Variants in EYS observed in about 807,000 individuals in gnomAD.
The protein encoded by EYS is EGF-like photoreceptor maintenance factor.
A neutral mutation model predicts 282.1 loss-of-function variants in EYS; 250 were observed. That is an observed-to-expected ratio of 0.89 (90% confidence interval 0.80 to 0.98). The LOEUF (loss-of-function observed/expected upper bound fraction) is 0.98. Ranked by LOEUF, EYS falls within the 50% of genes least tolerant of loss-of-function variation. EYS has a pLI of 0.00. For synonymous variants in EYS, 1,355 were observed against 1,282.9 expected, an observed-to-expected ratio of 1.06 and a Z score of -1.20; for missense variants, 4,016 against 3,709.0, an observed-to-expected ratio of 1.08 and a Z score of -2.15.
intron 13 of EYS, among the ~76,000 whole-genome samples, chr6:65,027,019 T>C (rs1032225040): frequency 1.5e-5 from 2 of 133,592 alleles, no homozygotes; most frequent in African/African-American, 6.1e-5. Flanking sequence ...ATTTGTAATG[T>C]GTGTTTTTTT....
At position 65,057,717 on chromosome 6, in the gene EYS, A is replaced by G; in HGVS notation, c.2034T>C (p.Cys678=). The change falls in exon 13 of 43, where the codon TGT becomes TGC. Residue 678 remains cysteine, a synonymous_variant. Coordinates refer to ENST00000503581, the MANE Select transcript of EYS (RefSeq NM_001142800.2). ...KCVPGFKGTQ[C]EIDIDECASH... is the part of the protein sequence containing the mutation. Reference sequence around the variant, plus strand: ...AAGCACACTCATCTATATCAATTTCACATTGCGTACCTTTGGAAAATAGGA... The same window carrying G: ...AAGCACACTCATCTATATCAATTTCGCATTGCGTACCTTTGGAAAATAGGA... The G allele has an allele frequency of 6.5e-7, 1 of 1,546,370 alleles. No homozygotes were observed. Among genetic ancestry groups the G allele is most frequent in the Non-Finnish European group, 8.8e-7 (1 of 1,142,602 alleles).
chr6:64,178,134 A>G (rs191722930), intron 31 of EYS, among the ~76,000 whole-genome samples: 12 of 151,954 alleles, frequency 7.9e-5, no homozygotes, highest in South Asian at 2.1e-4. Context: ...CATCTGTTAA[A>G]TTTTTCTGAG....
intron 33 of EYS, among the ~76,000 whole-genome samples, chr6:64,056,379 G>A (rs982833713): frequency 5.9e-5 from 9 of 152,166 alleles, no homozygotes; most frequent in African/African-American, 2.2e-4. Flanking sequence ...CCAAGTATCA[G>A]ATTCGCCTGT....
At chr6:63,872,663 G>A (rs1772844362) in intron 35 of EYS, among the ~76,000 whole-genome samples, 1 of 151,708 alleles carries the variant, frequency 6.6e-6, no homozygotes, top group Non-Finnish European at 1.5e-5. Context: ...ATTTTTAGTA[G>A]GGATGATGTT....
intron 5 of EYS, among the ~76,000 whole-genome samples, chr6:65,443,140 TA>T (rs1768443652): frequency 1.3e-5 from 2 of 151,736 alleles, no homozygotes; most frequent in Admixed American, 1.3e-4. Flanking sequence ...ATCATACATA[TA>T]TGTACACATC....
chr6:64,836,835 T>C (rs1156397560), intron 19 of EYS, among the ~76,000 whole-genome samples: 1 of 151,614 alleles, frequency 6.6e-6, no homozygotes, highest in Non-Finnish European at 1.5e-5. Context: ...TCTGTGAAAT[T>C]CCACTTTTGA....
chr6:64,792,011 A>C (rs993319275), intron 22 of EYS, among the ~76,000 whole-genome samples: 6 of 151,804 alleles, frequency 4.0e-5, no homozygotes, highest in African/African-American at 1.4e-4. Flanking sequence ...TCACAATATA[A>C]CTATGATATT....
At chr6:63,954,677 A>T (rs190746643) in intron 35 of EYS, among the ~76,000 whole-genome samples, 12 of 152,206 alleles carry the variant, frequency 7.9e-5, no homozygotes, top group Non-Finnish European at 1.5e-4. Context: ...TCTATTCCTC[A>T]CGGCAGTTGT....
intron 2 of EYS, among the ~76,000 whole-genome samples, chr6:65,521,480 C>T (rs1341176832): frequency 2.6e-5 from 4 of 152,064 alleles, no homozygotes; most frequent in Non-Finnish European, 5.9e-5. Context: ...AAATTTATTA[C>T]TTTAATGAAA....
intron 22 of EYS, among the ~76,000 whole-genome samples, chr6:64,775,301 T>C (rs918234570): frequency 6.6e-6 from 1 of 151,984 alleles, no homozygotes; most frequent in Admixed American, 6.6e-5. Context: ...TAACTTCTTG[T>C]TTGCCTCCCA....
chr6:65,472,594 C>A (rs1208646218), intron 5 of EYS, among the ~76,000 whole-genome samples: 2 of 151,764 alleles, frequency 1.3e-5, no homozygotes, highest in East Asian at 3.9e-4. Context: ...AATAATATAG[C>A]ACATAAACAG....
chr6:64,849,235 T>C (rs1322676911), intron 19 of EYS, among the ~76,000 whole-genome samples: 2 of 151,812 alleles, frequency 1.3e-5, no homozygotes, highest in African/African-American at 4.8e-5. Context: ...TCATGTTTAC[T>C]GACTTTATAT....
chr6:64,758,129 G>GA (rs1295493057), intron 22 of EYS, among the ~76,000 whole-genome samples: 1 of 151,986 alleles, frequency 6.6e-6, no homozygotes, highest in Non-Finnish European at 1.5e-5. Context: ...TAGTACGCAC[G>GA]AGTTATTTGT....
intron 35 of EYS, among the ~76,000 whole-genome samples, chr6:63,926,026 C>G (rs888137027): frequency 6.6e-6 from 1 of 152,176 alleles, no homozygotes; most frequent in African/African-American, 2.4e-5. Context: ...CCCGATGTTC[C>G]CTTCCTTGTG....
At chr6:64,956,751 T>A (rs1426065651) in intron 14 of EYS, among the ~76,000 whole-genome samples, 3 of 152,066 alleles carry the variant, frequency 2.0e-5, no homozygotes, top group African/African-American at 7.2e-5. Context: ...AAAACTCTAA[T>A]AATCTGATCA....
rs61088369 is a variant in EYS, at chr6:64,133,476, T to TCACACACA, written c.6425-51482_6425-51475dup. Reference sequence around the variant, plus strand: ...GAACTTGGCTTTCTTTTGCATTACTTCACACACACACACACACACACACAC... The same window carrying TCACACACA: ...GAACTTGGCTTTCTTTTGCATTACTTCACACACACACACACACACACACACACACACAC... On this transcript the variant is annotated intron_variant, in intron 31 of 42. Coordinates refer to ENST00000503581, the MANE Select transcript of EYS (RefSeq NM_001142800.2). Among the ~76,000 whole-genome samples the TCACACACA allele has an allele frequency of 3.7e-3, 522 of 142,450 alleles. 2 individuals carry two copies. The highest frequency in any genetic ancestry group is 0.011 in the South Asian group (49 of 4,280). The allele number at this position is 142,450 out of a possible 152,430, so 93.5% of individuals were successfully genotyped here.
At chr6:65,225,857 A>C (rs1343345275) in intron 12 of EYS, among the ~76,000 whole-genome samples, 1 of 152,046 alleles carries the variant, frequency 6.6e-6, no homozygotes, top group African/African-American at 2.4e-5. Flanking sequence ...TAATAAAAAC[A>C]CTCAAGAAAC....
intron 7 of EYS, among the ~76,000 whole-genome samples, chr6:65,394,785 C>T (rs146131103): frequency 1.3e-5 from 2 of 152,238 alleles, no homozygotes; most frequent in African/African-American, 4.8e-5. Flanking sequence ...GAATCTCTTT[C>T]CTTTGACTGT....
At chr6:65,293,512 A>C (rs565257029) in intron 12 of EYS, among the ~76,000 whole-genome samples, 2 of 151,978 alleles carry the variant, frequency 1.3e-5, no homozygotes, top group African/African-American at 4.8e-5. Flanking sequence ...GGTTTTCTGC[A>C]GAGAAGATTG....
Sources: allele counts gnomAD v4.1 joint callset (sites outside exome capture counted in the v4.1 genomes callset), GRCh38; gene constraint gnomAD v4.1.1; transcripts MANE v1.5; gene names NCBI Gene and HGNC (gene_info 2026-07-23, HGNC 2026-07-21).